The following ATG4A variants were observed in gnomAD, a reference collection of about 807,000 sequenced individuals.
The protein encoded by ATG4A is autophagy related 4A cysteine peptidase, also known as cysteine protease ATG4A.
In ATG4A, 22 loss-of-function variants were observed where a neutral mutation model predicts 38.4. That is an observed-to-expected ratio of 0.57 (90% CI 0.41 to 0.82). The LOEUF (loss-of-function observed/expected upper bound fraction) is 0.82, where lower values mean the gene tolerates loss of function less well. Among genes scored for constraint, ATG4A ranks in the 40% least tolerant of loss-of-function variants. The pLI is 0.00. For synonymous variants in ATG4A, 86 were observed against 100.7 expected, an observed-to-expected ratio of 0.85 and a Z score of 0.88; for missense variants, 220 against 290.0, an observed-to-expected ratio of 0.76 and a Z score of 1.75.
At position 108,151,790 on chromosome X, in the gene ATG4A, C is replaced by G. The variant is rs778035031; in HGVS notation, c.961-12C>G. ...GGTAATTCTAAGTTGTGTTCTTTTG[C>G]TTTCCCCCAAGGGATTTTTCTGCAA... is the stretch of plus-strand genomic sequence containing the variant. On this transcript the variant is annotated splice_polypyrimidine_tract_variant and intron_variant, in intron 10 of 12. Coordinates refer to ENST00000372232, the MANE Select transcript of ATG4A (RefSeq NM_052936.5). 7.5e-6 allele frequency: 9 copies of G among 1,204,931 alleles called. No individual in the cohort carries two copies. The African/African-American group carries it at 1.6e-4, about 21-fold the overall frequency.
intron 6 of ATG4A, among the ~76,000 whole-genome samples, chrX:108,135,717 A>G (rs905779122): frequency 1.8e-5 from 2 of 111,580 alleles, no homozygotes; most frequent in African/African-American, 6.5e-5. Flanking sequence ...TGGTGTTAAA[A>G]TAACATCCCT....
intron 3 of ATG4A, 117 bp from the exon 4 acceptor site, chrX:108,131,143 A>G: frequency 1.6e-6 from 1 of 635,980 alleles, no homozygotes; most frequent in Non-Finnish European, 2.5e-6. Flanking sequence ...TGTATCTGTC[A>G]CCTCACTTTT....
In ATG4A at chrX:108,126,189, T is replaced by C; in HGVS notation, c.121+2T>C. 1 of 1,171,418 alleles carries C rather than the reference T, an allele frequency of 8.5e-7. No homozygotes were observed. Among genetic ancestry groups the C allele is most frequent in the Non-Finnish European group, 1.2e-6 (1 of 860,087 alleles). On this transcript the variant is annotated splice_donor_variant, in intron 2 of 12. Transcript: ENST00000372232. LOFTEE classifies it high-confidence loss of function. ...GGAAGCAGCATCTCCTTAAAACAGGTAAGATTTGGTAGCATTTGTCTGTAA... is the reference window on the plus strand; with the variant it reads ...GGAAGCAGCATCTCCTTAAAACAGGCAAGATTTGGTAGCATTTGTCTGTAA...
At chrX:108,091,730 C>A, upstream of ATG4A, 1 of 1,112,478 alleles carries the variant, frequency 9.0e-7, no homozygotes, top group East Asian at 3.0e-5. Context: ...ACAGACTTGG[C>A]CCCTAGCAGT....
chrX:108,095,190 G>A (rs1386000431), intron 1 of ATG4A, among the ~76,000 whole-genome samples: 1 of 111,342 alleles, frequency 9.0e-6, no homozygotes, highest in East Asian at 2.8e-4. Context: ...TCCTCCCAAA[G>A]TGCTGGGATT....
intron 1 of ATG4A, among the ~76,000 whole-genome samples, chrX:108,119,426 T>TA (rs1344048535): frequency 9.0e-6 from 1 of 111,615 alleles, no homozygotes; most frequent in Non-Finnish European, 1.9e-5. Context: ...CAATGAGAAA[T>TA]ACATTTTACA....
rs758172994 is a variant in ATG4A at position 108,118,778 on chromosome X, C to T, written c.11-7299C>T. ...TTTAAAGACCAGTCCAAATTCTACT[C>T]GCTCCTTAAAATCTTCCCTGATGAC... On this transcript the variant is annotated intron_variant, in intron 1 of 12. Transcript: ENST00000372232. Among the ~76,000 whole-genome samples the T allele has an allele frequency of 2.7e-5, 3 of 112,247 alleles. No individual in the cohort carries two copies. The East Asian group carries it at 8.4e-4, about 31-fold the overall frequency.
At chrX:108,123,362 A>T (rs771429885) in intron 1 of ATG4A, among the ~76,000 whole-genome samples, 3 of 112,262 alleles carry the variant, frequency 2.7e-5, no homozygotes, top group Non-Finnish European at 5.6e-5. Context: ...TTTGTGAAAA[A>T]TTTAAAACAA....
intron 1 of ATG4A, among the ~76,000 whole-genome samples, chrX:108,123,638 A>G (rs1040839817): frequency 8.9e-6 from 1 of 112,063 alleles, no homozygotes; most frequent in Non-Finnish European, 1.9e-5. Flanking sequence ...CGGGGTGTCT[A>G]TCTTTTAAGA....
intron 1 of ATG4A, among the ~76,000 whole-genome samples, chrX:108,093,611 A>G (rs766730580): frequency 8.9e-6 from 1 of 111,749 alleles, no homozygotes; most frequent in Non-Finnish European, 1.9e-5. Flanking sequence ...TCACAGGGAA[A>G]ATTTATGCTT....
rs185603148 is a variant in ATG4A, at chrX:108,123,171, G to C, written c.11-2906G>C. Among the ~76,000 whole-genome samples the C allele has an allele frequency of 6.1e-4, 68 of 111,986 alleles. No individual in the cohort carries two copies. The East Asian group carries it at 0.013, about 21-fold the overall frequency. On this transcript the variant is annotated intron_variant, in intron 1 of 12. Coordinates refer to ENST00000372232, the MANE Select transcript of ATG4A (RefSeq NM_052936.5). The stretch of plus-strand genomic sequence containing the variant: ...GTACAATAATTATTATTAAAGTACA[G>C]TGGAACAGGGTGAAGCCTGTTGTCC...
chrX:108,130,747 T>C (rs750537046), intron 3 of ATG4A, among the ~76,000 whole-genome samples: 5 of 112,017 alleles, frequency 4.5e-5, no homozygotes, highest in Non-Finnish European at 9.4e-5. Context: ...TCCTTCTTGC[T>C]GTTCAGATCT....
chrX:108,148,429 A>T (rs1267314448), intron 9 of ATG4A, among the ~76,000 whole-genome samples: 1 of 102,363 alleles, frequency 9.8e-6, no homozygotes, highest in Non-Finnish European at 2.0e-5. Context: ...TCAAGTTGAC[A>T]CTCAGTATTA....
chrX:108,092,022 GTAC>G (rs1461464257), intron 1 of ATG4A, 186 bp downstream of exon 1: 2 of 728,661 alleles, frequency 2.7e-6, no homozygotes, highest in Admixed American at 3.4e-5. Context: ...TTGGAGCTGA[GTAC>G]TACCTACTGA....
At chrX:108,090,919 A>T (rs1426457175), upstream of ATG4A, among the ~76,000 whole-genome samples, 1 of 111,812 alleles carries the variant, frequency 8.9e-6, no homozygotes, top group Non-Finnish European at 1.9e-5. Flanking sequence ...CGTGTTCTGA[A>T]AGCACCATGT....
At chrX:108,099,123 C>T (rs758958980) in intron 1 of ATG4A, among the ~76,000 whole-genome samples, 27 of 111,589 alleles carry the variant, frequency 2.4e-4, no homozygotes, top group African/African-American at 8.7e-4. Context: ...TATGAGAGAT[C>T]CAGTATCTCC....
intron 10 of ATG4A, among the ~76,000 whole-genome samples, chrX:108,150,848 G>A (rs749047190): frequency 1.1e-3 from 121 of 112,273 alleles, no homozygotes; most frequent in Non-Finnish European, 1.9e-3. Context: ...CCACCAAACC[G>A]TATCACTAAC....
At chrX:108,104,105 G>T (rs2032101296) in intron 1 of ATG4A, among the ~76,000 whole-genome samples, 1 of 112,126 alleles carries the variant, frequency 8.9e-6, no homozygotes, top group Non-Finnish European at 1.9e-5. Context: ...AAAATGCTGG[G>T]ATTACAGGCA....
chrX:108,131,963 G>A (rs756722471), intron 4 of ATG4A, among the ~76,000 whole-genome samples: 17 of 110,338 alleles, frequency 1.5e-4, no homozygotes, highest in Middle Eastern at 4.6e-3. Flanking sequence ...GCAGTGGTGC[G>A]ATCTCGGCTC....
Sources: gnomAD v4.1 joint callset for allele counts (sites outside exome capture counted in the v4.1 genomes callset) on GRCh38, gnomAD v4.1.1 for gene constraint, MANE v1.5 for transcripts, NCBI Gene and HGNC (gene_info 2026-07-23, HGNC 2026-07-21) for gene names.